The following RPS6KA3 variants were observed in gnomAD, a reference collection of about 807,000 sequenced individuals.
RPS6KA3 encodes ribosomal protein S6 kinase A3.
RPS6KA3 carries 4 observed loss-of-function variants against 67.2 expected under a neutral mutation model. The ratio of observed to expected loss-of-function variants is 0.06; its 90% confidence interval spans 0.03 to 0.14. The LOEUF (loss-of-function observed/expected upper bound fraction) is 0.14, where lower values mean the gene tolerates loss of function less well. Ranked by LOEUF, RPS6KA3 falls within the 10% of genes least tolerant of loss-of-function variation. RPS6KA3 has a pLI of 1.00. For synonymous variants in RPS6KA3, 182 were observed against 183.7 expected (o/e 0.99, Z 0.07); for missense variants, 204 against 559.0 (o/e 0.36, Z 6.40).
At chrX:20,178,687 A>G (rs5955888) in intron 10 of RPS6KA3, among the ~76,000 whole-genome samples, 11,998 of 83,173 alleles carry the variant, frequency 0.14, 2,038 homozygotes, top group African/African-American at 0.47. Context: ...TGCCATGTTG[A>G]CTAGGCTGGT....
intron 17 of RPS6KA3, among the ~76,000 whole-genome samples, chrX:20,166,481 GACAAA>G (rs1411750265): frequency 2.7e-5 from 3 of 111,202 alleles, no homozygotes; most frequent in Non-Finnish European, 5.7e-5. Context: ...CAGGGGCAAA[GACAAA>G]ACAAAAAGAA....
chrX:20,214,444 C>T lies in RPS6KA3; in HGVS notation c.127-5040G>A, dbSNP rs111379799. 8.9e-4 allele frequency among the ~76,000 whole-genome samples: 100 copies of T among 112,422 alleles called. 1 individual carries two copies. The highest frequency in any genetic ancestry group is 3.1e-3 in the African/African-American group (97 of 30,940). On this transcript the variant is annotated intron_variant, in intron 2 of 21. Transcript: ENST00000379565. ...GAAGAAAAATAATCTTGGCTCAGAA[C>T]TTTGACACCATAGATCCATTGCCTT...
intron 4 of RPS6KA3, among the ~76,000 whole-genome samples, chrX:20,199,252 G>A (rs7066722): frequency 0.21 from 23,809 of 111,272 alleles, 2,484 homozygotes; most frequent in African/African-American, 0.39. Context: ...AAAATATCAA[G>A]AGAAGAAGAA....
chrX:20,229,740 A>C (rs5955894), intron 2 of RPS6KA3, among the ~76,000 whole-genome samples: 1 of 112,281 alleles, frequency 8.9e-6, no homozygotes, highest in Non-Finnish European at 1.9e-5. Flanking sequence ...TTTGTATTTA[A>C]TATCATTAAA....
At chrX:20,206,584 T>C (rs2068577305) in intron 3 of RPS6KA3, among the ~76,000 whole-genome samples, 1 of 112,435 alleles carries the variant, frequency 8.9e-6, no homozygotes, top group Non-Finnish European at 1.9e-5. Flanking sequence ...ATACAAGGCA[T>C]GACCCTTCCT....
chrX:20,246,440 G>A (rs748597861), intron 1 of RPS6KA3, among the ~76,000 whole-genome samples: 6 of 111,012 alleles, frequency 5.4e-5, no homozygotes, highest in Admixed American at 2.9e-4. Context: ...GCCCTAATGG[G>A]TCCACTTCCA....
chrX:20,251,881 C>A (rs991660416), intron 1 of RPS6KA3, among the ~76,000 whole-genome samples: 2 of 111,998 alleles, frequency 1.8e-5, no homozygotes, highest in South Asian at 7.3e-4. Flanking sequence ...ATGTCTTTTG[C>A]AAAATTTGGG....
intron 17 of RPS6KA3, among the ~76,000 whole-genome samples, chrX:20,166,793 C>A (rs1414036277): frequency 9.8e-6 from 1 of 102,097 alleles, no homozygotes; most frequent in East Asian, 3.3e-4. Flanking sequence ...TTTCAACTCA[C>A]TGCAACCTCC....
At chrX:20,156,575 G>A (rs755558157) in intron 20 of RPS6KA3, among the ~76,000 whole-genome samples, 2 of 110,082 alleles carry the variant, frequency 1.8e-5, no homozygotes, top group South Asian at 3.9e-4. Flanking sequence ...TCATTCTGTC[G>A]CCCAGGCTGG....
At chrX:20,256,394 C>T (rs1345782690) in intron 1 of RPS6KA3, among the ~76,000 whole-genome samples, 1 of 110,112 alleles carries the variant, frequency 9.1e-6, no homozygotes, top group Non-Finnish European at 1.9e-5. Context: ...AAAGAGGATG[C>T]AAAGATAGAG....
In RPS6KA3 at chrX:20,209,379, G is replaced by T; in HGVS notation, c.152C>A (p.Ala51Glu). The stretch of plus-strand genomic sequence containing the variant: ...TCCTTCCTTTACATGATGTGTGATT[G>T]CAATTTCTTTGATACTGACTTCTTC... Reference protein sequence around the residue: ...QTEEVSIKEIAITHHVKEGHE... With the variant: ...QTEEVSIKEIEITHHVKEGHE... Residue 51 changes from alanine (A) to glutamate (E), a missense_variant, in exon 3 of 22, where the codon GCA (alanine) becomes GAA (glutamate). Physicochemically the swap from Ala to Glu is moderately radical, Grantham distance 107 (BLOSUM62 -1). Around this residue, in one of 4 missense-constraint regions of RPS6KA3, gnomAD observed 31 missense variants for 42.5 expected, o/e 0.73. Transcript: ENST00000379565. The T allele has an allele frequency of 8.5e-7, 1 of 1,183,226 alleles. No homozygotes were observed. Among genetic ancestry groups the T allele is most frequent in the Admixed American group, 2.2e-5 (1 of 45,995 alleles).
At chrX:20,200,561 A>C (rs964052985) in intron 4 of RPS6KA3, among the ~76,000 whole-genome samples, 2 of 112,404 alleles carry the variant, frequency 1.8e-5, no homozygotes, top group African/African-American at 6.5e-5. Context: ...ACAATTTTAC[A>C]TACTTGTAGC....
chrX:20,236,374 G>C (rs2069411861), intron 1 of RPS6KA3, among the ~76,000 whole-genome samples: 1 of 111,606 alleles, frequency 9.0e-6, no homozygotes, highest in South Asian at 3.7e-4. Context: ...AATTCAACAA[G>C]TATACAAGGA....
rs143834882 is a variant in RPS6KA3, at chrX:20,217,787, T to C, written c.127-8383A>G. Among the ~76,000 whole-genome samples the C allele has an allele frequency of 7.8e-3, 876 of 112,320 alleles. 5 individuals carry two copies. The highest frequency in any genetic ancestry group is 0.013 in the Admixed American group (137 of 10,582). ...TGTAGTTTTATTTTAAAAAGATATG[T>C]TAACCTCTTTGTAGATGATCAAGAT... On this transcript the variant is annotated intron_variant, in intron 2 of 21. Transcript: ENST00000379565.
intron 17 of RPS6KA3, among the ~76,000 whole-genome samples, chrX:20,167,104 C>A (rs1238911863): frequency 8.9e-6 from 1 of 111,954 alleles, no homozygotes; most frequent in Non-Finnish European, 1.9e-5. Flanking sequence ...GGATTACAGG[C>A]ATAAGCTACC....
intron 17 of RPS6KA3, 71 bp downstream of exon 17, chrX:20,167,518 T>C (rs2067471306): frequency 8.1e-6 from 8 of 987,482 alleles, no homozygotes; most frequent in Non-Finnish European, 1.2e-5. Flanking sequence ...AAGTAATTTC[T>C]ATCTAATTCT....
intron 9 of RPS6KA3, 61 bp from the exon 10 acceptor site, chrX:20,186,427 AGGT>A: frequency 1.5e-6 from 1 of 669,723 alleles, no homozygotes; most frequent in Admixed American, 2.6e-5. Flanking sequence ...GAAGGCCAGA[AGGT>A]AAAAAAAAAA....
intron 10 of RPS6KA3, among the ~76,000 whole-genome samples, chrX:20,182,200 T>G (rs1487414411): frequency 8.9e-6 from 1 of 111,941 alleles, no homozygotes; most frequent in East Asian, 2.8e-4. Context: ...GTGTAACCAC[T>G]TCCCTTATTT....
rs1176398352 is a variant in RPS6KA3, at chrX:20,266,723, AGCGGCGGCG to A, written c.-100_-92del. 15 of 525,416 alleles carry A rather than the reference AGCGGCGGCG, an allele frequency of 2.9e-5. No individual in the cohort carries two copies. The highest frequency in any genetic ancestry group is 3.3e-5 in the Non-Finnish European group (15 of 452,130). The allele number at this position is 525,416 out of a possible 1,213,427, so 43.3% of individuals were successfully genotyped here. On this transcript the variant is annotated 5_prime_UTR_variant, in exon 1 of 22. Coordinates refer to ENST00000379565, the MANE Select transcript of RPS6KA3 (RefSeq NM_004586.3). ...TCCGTCGCCGCCCGAGCCCCACGGC[AGCGGCGGCG>A]GCGGCGGCGGCGGCGGCAGCGGCAG...
Sources: gnomAD v4.1 joint callset for allele counts (sites outside exome capture counted in the v4.1 genomes callset) on GRCh38, gnomAD v4.1.1 for gene constraint, gnomAD v4.1.1 regional missense constraint, MANE v1.5 for transcripts, NCBI Gene and HGNC (gene_info 2026-07-23, HGNC 2026-07-21) for gene names.